Variants in SYNPR observed in about 807,000 individuals in gnomAD.
SYNPR encodes the protein synaptoporin.
SYNPR carries 23 observed loss-of-function variants against 32.9 expected under a neutral mutation model. That is an observed-to-expected ratio of 0.70 (90% CI 0.50 to 0.99). The LOEUF is 0.99. Among genes scored for constraint, SYNPR ranks in the 50% least tolerant of loss-of-function variants. The pLI, the probability that SYNPR is intolerant of heterozygous loss-of-function variation, is 0.00. For missense variants in SYNPR, 318 were observed against 349.3 expected (o/e 0.91, Z 0.71); for synonymous variants, 146 against 135.9 (o/e 1.07, Z -0.52).
the SYNPR span, among the ~76,000 whole-genome samples, chr3:63,204,011 A>C: frequency 6.6e-6 from 1 of 151,910 alleles, no homozygotes; most frequent in Admixed American, 6.6e-5. Context: ...AAAAACAAAA[A>C]CAAAAAAAAG....
chr3:63,578,639 T>A (rs568007340), intron 4 of SYNPR, among the ~76,000 whole-genome samples: 1 of 152,280 alleles, frequency 6.6e-6, no homozygotes, highest in East Asian at 1.9e-4. Flanking sequence ...ATCTCCCATC[T>A]AAAAGATTTT....
intron 2 of SYNPR, among the ~76,000 whole-genome samples, chr3:63,425,309 A>C (rs909147576): frequency 2.6e-5 from 4 of 152,166 alleles, no homozygotes; most frequent in African/African-American, 9.7e-5. Context: ...GTATACAGTA[A>C]ACTTTATTCT....
chr3:63,265,149 A>G (rs555452599), intron 2 of SYNPR, among the ~76,000 whole-genome samples: 11 of 152,244 alleles, frequency 7.2e-5, no homozygotes, highest in Non-Finnish European at 1.5e-4. Flanking sequence ...CTTCCAAGAA[A>G]GAAGATATAT....
chr3:63,329,000 T>A (rs2087195870), intron 2 of SYNPR, among the ~76,000 whole-genome samples: 1 of 152,004 alleles, frequency 6.6e-6, no homozygotes, highest in South Asian at 2.1e-4. Context: ...AGCCTGAGAG[T>A]TATCTCAGCT....
At chr3:63,458,634 C>A (rs1247881172) in intron 2 of SYNPR, among the ~76,000 whole-genome samples, 1 of 152,022 alleles carries the variant, frequency 6.6e-6, no homozygotes, top group Non-Finnish European at 1.5e-5. Flanking sequence ...AGTCACAAGC[C>A]CATCCCAGAT....
chr3:63,314,707 G>C (rs185764009), intron 2 of SYNPR, among the ~76,000 whole-genome samples: 1 of 151,906 alleles, frequency 6.6e-6, no homozygotes, highest in Non-Finnish European at 1.5e-5. Flanking sequence ...TCCTTTTGCC[G>C]TGCAAAAGCT....
At chr3:63,259,966 C>T (rs2086422456) in intron 2 of SYNPR, among the ~76,000 whole-genome samples, 1 of 152,152 alleles carries the variant, frequency 6.6e-6, no homozygotes, top group Admixed American at 6.6e-5. Context: ...AACTCTCATT[C>T]ACAATTTCTT....
rs377278452 is a variant in SYNPR at position 63,319,048 on chromosome 3, C to T, written c.84+40306C>T. Among the ~76,000 whole-genome samples the T allele has an allele frequency of 3.7e-4, 56 of 152,176 alleles. No homozygotes were observed. The South Asian group carries it at 0.01, about 28-fold the overall frequency. On this transcript the variant is annotated intron_variant, in intron 2 of 5. Transcript: ENST00000478300. The stretch of plus-strand genomic sequence containing the variant: ...CTCTCTTCTGGGTCTAGCCACCCAG[C>T]GAGTCTACCTGGCTCTGGGCTGGTA...
intron 4 of SYNPR, among the ~76,000 whole-genome samples, chr3:63,595,378 G>A (rs1235540124): frequency 6.6e-6 from 1 of 151,772 alleles, no homozygotes; most frequent in Non-Finnish European, 1.5e-5. Context: ...GGCTTTCAGT[G>A]GGGTCTAGAG....
At chr3:63,412,846 G>C (rs12107887) in intron 2 of SYNPR, among the ~76,000 whole-genome samples, 54,186 of 151,992 alleles carry the variant, frequency 0.36, 10,620 homozygotes, top group Middle Eastern at 0.48. Flanking sequence ...GAAGCATTTC[G>C]TGCAAGGGGA....
rs71126590 is a variant in SYNPR, at chr3:63,265,241, CTTTTTTTTTT to C, written n.155-2059_155-2050del. 8.3e-3 allele frequency among the ~76,000 whole-genome samples: 844 copies of C among 102,160 alleles called. 8 individuals carry two copies. The highest frequency in any genetic ancestry group is 0.015 in the African/African-American group (381 of 25,672). 67.0% of individuals were successfully genotyped at this position (102,160 alleles called of 152,430 possible). ...TGGCAATTTGGTTTCTAATGACATT[CTTTTTTTTTT>C]TTTTTTTTTTTTTTTTCTGAGATGG... On this transcript the variant is annotated intron_variant and non_coding_transcript_variant, in intron 2 of 4. Coordinates refer to the SYNPR transcript ENST00000478456.
chr3:63,259,702 T>A (rs904850010), intron 2 of SYNPR, among the ~76,000 whole-genome samples: 7 of 152,148 alleles, frequency 4.6e-5, no homozygotes, highest in Admixed American at 3.9e-4. Flanking sequence ...CTATTCAACA[T>A]AGTGTTGGAA....
rs566131509 is a variant in SYNPR, at chr3:63,434,546, G to A, written c.85-46286G>A. Among the ~76,000 whole-genome samples the A allele has an allele frequency of 1.2e-3, 188 of 152,258 alleles. 1 individual carries two copies. Among genetic ancestry groups the A allele is most frequent in the African/African-American group, 4.2e-3 (174 of 41,550 alleles). On this transcript the variant is annotated intron_variant, in intron 2 of 5. Coordinates refer to ENST00000478300, the MANE Select transcript of SYNPR (RefSeq NM_001130003.2). ...TTACTATTCATATCTCAGTGTACTG[G>A]GCAAGATTATTGAAAATGGTTTCCA... is the stretch of plus-strand genomic sequence containing the variant.
chr3:63,518,232 A>G (rs1292992333), intron 3 of SYNPR, among the ~76,000 whole-genome samples: 1 of 152,170 alleles, frequency 6.6e-6, no homozygotes, highest in Non-Finnish European at 1.5e-5. Flanking sequence ...CTAAATGGAA[A>G]CTTGTTAGGA....
chr3:63,336,581 AC>A (rs954526767), intron 2 of SYNPR, among the ~76,000 whole-genome samples: 2 of 143,658 alleles, frequency 1.4e-5, no homozygotes, highest in Non-Finnish European at 3.0e-5. Flanking sequence ...ACAATAGCTT[AC>A]CCTTTTCACA....
the SYNPR span, among the ~76,000 whole-genome samples, chr3:63,219,689 ATAT>A: frequency 1.5e-4 from 23 of 152,332 alleles, no homozygotes; most frequent in South Asian, 4.6e-3. Flanking sequence ...AGAAAAGAAA[ATAT>A]TATTTAAAAT....
intron 2 of SYNPR, among the ~76,000 whole-genome samples, chr3:63,345,938 T>C (rs1267734841): frequency 2.0e-5 from 3 of 151,962 alleles, no homozygotes; most frequent in South Asian, 2.1e-4. Context: ...CCTCAGCTTC[T>C]CAAGTAGCTG....
At chr3:63,219,278 A>G in the SYNPR span, among the ~76,000 whole-genome samples, 3 of 152,194 alleles carry the variant, frequency 2.0e-5, no homozygotes, top group Non-Finnish European at 4.4e-5. Flanking sequence ...GAGCAGGAAA[A>G]GATTTTGGCA....
chr3:63,595,713 T>C (rs1349945907), intron 4 of SYNPR, among the ~76,000 whole-genome samples: 1 of 38,214 alleles, frequency 2.6e-5, no homozygotes, highest in African/African-American at 9.8e-5. Flanking sequence ...TTCTGAATCT[T>C]ATTTTATATA....
Sources: allele counts gnomAD v4.1 joint callset (sites outside exome capture counted in the v4.1 genomes callset), GRCh38; gene constraint gnomAD v4.1.1; transcripts MANE v1.5; gene names NCBI Gene and HGNC (gene_info 2026-07-23, HGNC 2026-07-21).